Variants in GDPD5 observed in about 807,000 individuals in gnomAD.
The protein encoded by GDPD5 is glycerophosphodiester phosphodiesterase domain containing 5, also known as glycerophosphodiester phosphodiesterase 2.
In GDPD5, 48 loss-of-function variants were observed where a neutral mutation model predicts 75.1. The ratio of observed to expected loss-of-function variants is 0.64; its 90% confidence interval spans 0.51 to 0.81. The LOEUF (loss-of-function observed/expected upper bound fraction) is 0.81, where lower values mean the gene tolerates loss of function less well. Ranked by LOEUF, GDPD5 falls within the 40% of genes least tolerant of loss-of-function variation. The probability of loss-of-function intolerance (pLI) is 0.00; values close to 1 mark genes in which losing one functional copy is unlikely to be tolerated. For synonymous variants in GDPD5, 336 were observed against 339.0 expected (o/e 0.99, Z 0.10); for missense variants, 706 against 822.6 (o/e 0.86, Z 1.73).
intron 3 of GDPD5, among the ~76,000 whole-genome samples, chr11:75,472,686 G>A (rs769412874): frequency 1.3e-5 from 2 of 152,152 alleles, no homozygotes; most frequent in Admixed American, 6.5e-5. Context: ...TCCCCTAACC[G>A]CTTCCTCACT....
At chr11:75,461,502 C>T (rs942039578) in intron 4 of GDPD5, among the ~76,000 whole-genome samples, 22 of 152,272 alleles carry the variant, frequency 1.4e-4, no homozygotes, top group Admixed American at 9.1e-4. Context: ...TGAGCAGAGT[C>T]CCAGGATCAT....
chr11:75,472,720 T>A (rs1413093829), intron 3 of GDPD5, among the ~76,000 whole-genome samples: 1 of 152,138 alleles, frequency 6.6e-6, no homozygotes, highest in African/African-American at 2.4e-5. Flanking sequence ...ATATGCTCAA[T>A]CCTCCTTCCA....
Position 75,441,214 on chromosome 11 carries a change from G to A in GDPD5, c.1422C>T (p.Thr474=), listed in dbSNP as rs1948789824. 2 of 1,613,980 alleles carry A rather than the reference G, an allele frequency of 1.2e-6. No homozygotes were observed. Among genetic ancestry groups the A allele is most frequent in the African/African-American group, 1.3e-5 (1 of 74,940 alleles). Residue 474 remains threonine, a synonymous_variant, in exon 14 of 17, where the codon ACC becomes ACT. Transcript: ENST00000336898. ...GGGACAGGGCGTGGGAGTTGTCAGA[G>A]GTGACGGATGGGACCCCCGCACACC... is the stretch of plus-strand genomic sequence containing the variant. ...LLWCAGVPSV[T]SDNSHALSQV...
At chr11:75,519,569 G>T (rs1950713011) in intron 1 of GDPD5, among the ~76,000 whole-genome samples, 1 of 152,150 alleles carries the variant, frequency 6.6e-6, no homozygotes, top group Admixed American at 6.5e-5. Flanking sequence ...TATGTGCTGG[G>T]CATTTTTTTG....
intron 6 of GDPD5, chr11:75,455,290 T>C: frequency 2.2e-6 from 1 of 455,202 alleles, no homozygotes; most frequent in South Asian, 1.6e-5. Flanking sequence ...TTCTTTCAAA[T>C]GCCAGCTTTG....
chr11:75,467,067 C>G (rs895040428), intron 3 of GDPD5, among the ~76,000 whole-genome samples: 2 of 152,186 alleles, frequency 1.3e-5, no homozygotes, highest in South Asian at 4.1e-4. Context: ...GCCTTTCCAT[C>G]CCTCCAGGGC....
At chr11:75,460,936 G>A (rs962525796) in intron 4 of GDPD5, among the ~76,000 whole-genome samples, 3 of 151,918 alleles carry the variant, frequency 2.0e-5, no homozygotes, top group Non-Finnish European at 2.9e-5. Context: ...CCAGTGACAG[G>A]GAGCTCACTC....
intron 3 of GDPD5, among the ~76,000 whole-genome samples, chr11:75,477,219 C>A (rs1949797937): frequency 6.6e-6 from 1 of 152,146 alleles, no homozygotes; most frequent in African/African-American, 2.4e-5. Flanking sequence ...CAGACCGTGG[C>A]CCTGCCAGCT....
chr11:75,441,066 C>T, intron 14 of GDPD5, 97 bp downstream of exon 14: 1 of 1,275,020 alleles, frequency 7.8e-7, no homozygotes, highest in Admixed American at 1.9e-5. Flanking sequence ...AGAGACCTCC[C>T]AGGGACAGCT....
chr11:75,494,207 C>CTTTTTTTT (rs55639442), intron 1 of GDPD5, among the ~76,000 whole-genome samples: 1 of 90,408 alleles, frequency 1.1e-5, no homozygotes, highest in African/African-American at 4.2e-5. Flanking sequence ...CATTCGTTTA[C>CTTTTTTTT]TTTTTTTTTT....
At chr11:75,522,599 ACAT>A (rs1191051324) in intron 1 of GDPD5, among the ~76,000 whole-genome samples, 1 of 152,046 alleles carries the variant, frequency 6.6e-6, no homozygotes, top group Non-Finnish European at 1.5e-5. Flanking sequence ...AAGAGACAGG[ACAT>A]CATCAACCCC....
At chr11:75,485,510 TAC>T (rs3138546) in intron 2 of GDPD5, 37,145 of 143,290 alleles carry the variant, frequency 0.26, 4,814 homozygotes, top group Non-Finnish European at 0.29. Context: ...GTGTATTAAA[TAC>T]ACACACACAC....
chr11:75,435,296 G>T lies in GDPD5; in HGVS notation c.*211C>A. ...CCCAGAAGGAGCCCCAGGCCTGCAG[G>T]GGCATCTGAAAGGATGGAGTCCTGG... is the stretch of plus-strand genomic sequence containing the variant. On this transcript the variant is annotated 3_prime_UTR_variant, in exon 17 of 17. Transcript: ENST00000336898. 2.0e-6 allele frequency: 1 copy of T among 491,360 alleles called. No homozygotes were observed. The highest frequency in any genetic ancestry group is 3.6e-6 in the Non-Finnish European group (1 of 276,152). 30.4% of individuals were successfully genotyped at this position (491,360 alleles called of 1,614,324 possible). A position where few individuals can be genotyped will look rare whatever the true frequency, so the allele number is the denominator to read the frequency against.
In GDPD5 at chr11:75,449,947, C is replaced by T; in HGVS notation, c.412G>A (p.Ala138Thr). Reference sequence around the variant, plus strand: ...CACAGCTGGGCCACGGCCGACATGGCCACCACCGTGGAAGCCAGGATGACC... The same window carrying T: ...CACAGCTGGGCCACGGCCGACATGGTCACCACCGTGGAAGCCAGGATGACC... ...LVVILASTVV[A>T]MSAVAQLWED... is the part of the protein sequence containing the mutation. Residue 138 changes from alanine (A) to threonine (T), a missense_variant, in exon 7 of 17, where the codon GCC (alanine) becomes ACC (threonine). Ala to Thr is a moderately conservative substitution (Grantham distance 58). Coordinates refer to ENST00000336898, the MANE Select transcript of GDPD5 (RefSeq NM_030792.8). The T allele has an allele frequency of 6.2e-7, 1 of 1,613,802 alleles. No individual in the cohort carries two copies. The highest frequency in any genetic ancestry group is 8.5e-7 in the Non-Finnish European group (1 of 1,180,016).
At chr11:75,485,275 C>T (rs1949999377) in intron 2 of GDPD5, 1 of 151,976 alleles carries the variant, frequency 6.6e-6, no homozygotes, top group African/African-American at 2.4e-5. Flanking sequence ...TGTGTCAAAC[C>T]CCATAGAGTG....
intron 5 of GDPD5, 33 bp from the exon 6 acceptor site, chr11:75,456,849 C>T: frequency 1.2e-6 from 2 of 1,608,834 alleles, no homozygotes; most frequent in Non-Finnish European, 1.7e-6. Flanking sequence ...ATTGTCAGGC[C>T]CGTGTGGGCG....
At chr11:75,473,860 C>T (rs1949724204) in intron 3 of GDPD5, among the ~76,000 whole-genome samples, 1 of 152,216 alleles carries the variant, frequency 6.6e-6, no homozygotes, top group Admixed American at 6.5e-5. Flanking sequence ...TCCCTGCCCC[C>T]AGGGTTTCCC....
At chr11:75,450,047 A>G in intron 6 of GDPD5, 64 bp from the exon 7 acceptor site, 1 of 1,356,684 alleles carries the variant, frequency 7.4e-7, no homozygotes, top group Non-Finnish European at 1.0e-6. Context: ...AGTGTGTCTG[A>G]GAGAGGAGCC....
intron 12 of GDPD5, among the ~76,000 whole-genome samples, chr11:75,442,157 A>G (rs1421887503): frequency 6.6e-6 from 1 of 152,204 alleles, no homozygotes; most frequent in East Asian, 1.9e-4. Context: ...AAATAACTTG[A>G]CCGCCTGGAC....
Sources: allele counts gnomAD v4.1 joint callset (sites outside exome capture counted in the v4.1 genomes callset), GRCh38; gene constraint gnomAD v4.1.1; transcripts MANE v1.5; gene names NCBI Gene and HGNC (gene_info 2026-07-23, HGNC 2026-07-21).